CPNE4: variants seen among roughly 807,000 people sequenced by gnomAD.
The protein encoded by CPNE4 is copine 4.
CPNE4 carries 25 observed loss-of-function variants against 67.9 expected under a neutral mutation model. That is an observed-to-expected ratio of 0.37 (90% CI 0.27 to 0.51). The LOEUF is 0.51. CPNE4 is among the 20% of genes least tolerant of loss of function. The pLI, the probability that CPNE4 is intolerant of heterozygous loss-of-function variation, is 0.93. For missense variants in CPNE4, 464 were observed against 690.8 expected (o/e 0.67, Z 3.68); for synonymous variants, 242 against 244.9 (o/e 0.99, Z 0.11).
chr3:131,558,009 C>T (rs961866547), intron 11 of CPNE4, among the ~76,000 whole-genome samples: 2 of 151,752 alleles, frequency 1.3e-5, no homozygotes, highest in Non-Finnish European at 2.9e-5. Context: ...ATTTCTAATC[C>T]CTATGGTGTT....
chr3:131,845,518 T>G (rs992084853), intron 2 of CPNE4, among the ~76,000 whole-genome samples: 6 of 152,192 alleles, frequency 3.9e-5, no homozygotes, highest in African/African-American at 1.4e-4. Flanking sequence ...AAAAGTTAAC[T>G]GTAACAGAAA....
intron 7 of CPNE4, among the ~76,000 whole-genome samples, chr3:131,664,162 T>C (rs932103575): frequency 2.0e-5 from 3 of 152,174 alleles, no homozygotes; most frequent in African/African-American, 7.2e-5. Context: ...AGGGTGCTTA[T>C]ATGGTGTTTG....
intron 9 of CPNE4, among the ~76,000 whole-genome samples, chr3:131,580,568 C>T (rs1293283240): frequency 1.3e-5 from 2 of 152,010 alleles, no homozygotes; most frequent in African/African-American, 2.4e-5. Context: ...GTCAGAGACA[C>T]GTGGGTTAAA....
intron 2 of CPNE4, among the ~76,000 whole-genome samples, chr3:131,779,447 A>G (rs1230715879): frequency 6.6e-6 from 1 of 152,158 alleles, no homozygotes; most frequent in Admixed American, 6.6e-5. Context: ...GCAAAGCTAC[A>G]GTAACTAAAA....
chr3:132,026,134 G>A (rs1453640513), intron 1 of CPNE4, among the ~76,000 whole-genome samples: 4 of 152,192 alleles, frequency 2.6e-5, no homozygotes, highest in Non-Finnish European at 4.4e-5. Flanking sequence ...GAGAGCAGGC[G>A]TAGAATAGAT....
At chr3:131,978,543 T>A (rs866165202) in intron 1 of CPNE4, among the ~76,000 whole-genome samples, 2 of 76,244 alleles carry the variant, frequency 2.6e-5, no homozygotes, top group East Asian at 5.2e-4. Context: ...TATATATAAA[T>A]ATATATATAT....
At chr3:131,670,072 G>A (rs932113999) in intron 6 of CPNE4, among the ~76,000 whole-genome samples, 5 of 152,116 alleles carry the variant, frequency 3.3e-5, no homozygotes, top group South Asian at 4.2e-4. Context: ...TTAAGGATAG[G>A]GCTGCCTTTG....
chr3:131,960,443 GA>G (rs1227703933), intron 1 of CPNE4, among the ~76,000 whole-genome samples: 1 of 152,126 alleles, frequency 6.6e-6, no homozygotes, highest in African/African-American at 2.4e-5. Context: ...AGGGAGAACT[GA>G]AAGCAAGCTT....
At chr3:131,641,295 C>A (rs1237848459) in intron 7 of CPNE4, among the ~76,000 whole-genome samples, 1 of 151,684 alleles carries the variant, frequency 6.6e-6, no homozygotes, top group African/African-American at 2.4e-5. Context: ...CCAAAATCTA[C>A]AAAGTACTCA....
intron 2 of CPNE4, among the ~76,000 whole-genome samples, chr3:131,801,227 G>T (rs980328126): frequency 1.5e-4 from 22 of 151,294 alleles, no homozygotes; most frequent in Non-Finnish European, 2.7e-4. Context: ...ACAGTACCTG[G>T]AATTTTCTAA....
At chr3:131,714,630 C>T (rs977503497) in intron 3 of CPNE4, among the ~76,000 whole-genome samples, 6 of 152,154 alleles carry the variant, frequency 3.9e-5, no homozygotes, top group African/African-American at 1.2e-4. Flanking sequence ...CAGGGCTTCT[C>T]AAAGTGTGAT....
At chr3:131,949,826 A>T (rs546527047) in intron 1 of CPNE4, among the ~76,000 whole-genome samples, 32 of 152,300 alleles carry the variant, frequency 2.1e-4, no homozygotes, top group African/African-American at 6.5e-4. Context: ...TGTATATTTT[A>T]CATAGTTATT....
chr3:131,786,728 G>A (rs929731500), intron 2 of CPNE4, among the ~76,000 whole-genome samples: 2 of 152,078 alleles, frequency 1.3e-5, no homozygotes, highest in African/African-American at 2.4e-5. Flanking sequence ...AAATAGGAAT[G>A]GTACAAATAA....
chr3:131,870,853 G>A (rs1236423921), intron 2 of CPNE4, among the ~76,000 whole-genome samples: 2 of 152,192 alleles, frequency 1.3e-5, no homozygotes, highest in African/African-American at 2.4e-5. Flanking sequence ...TCTGGTGGGG[G>A]AGTGGATAGT....
At chr3:131,996,946 G>A (rs2073310183) in intron 1 of CPNE4, among the ~76,000 whole-genome samples, 1 of 151,998 alleles carries the variant, frequency 6.6e-6, no homozygotes, top group Non-Finnish European at 1.5e-5. Flanking sequence ...ATATCAATGA[G>A]AATGACTGGA....
chr3:131,570,108 T>G (rs1043620729), intron 10 of CPNE4, among the ~76,000 whole-genome samples: 13 of 151,834 alleles, frequency 8.6e-5, no homozygotes, highest in African/African-American at 3.1e-4. Context: ...TAGTCAATAC[T>G]AAATAACTAA....
chr3:131,872,993 T>C (rs960633352), intron 2 of CPNE4, among the ~76,000 whole-genome samples: 1 of 152,236 alleles, frequency 6.6e-6, no homozygotes, highest in Non-Finnish European at 1.5e-5. Context: ...TACATGATTT[T>C]TCTTGCTTCA....
intron 5 of CPNE4, among the ~76,000 whole-genome samples, chr3:131,690,183 A>T (rs1306328307): frequency 6.6e-6 from 1 of 152,200 alleles, no homozygotes; most frequent in African/African-American, 2.4e-5. Context: ...GAATTAGAAA[A>T]AGCTATTGTA....
chr3:131,811,252 A>T, intron 2 of CPNE4, among the ~76,000 whole-genome samples: 1 of 152,064 alleles, frequency 6.6e-6, no homozygotes, highest in East Asian at 1.9e-4. Context: ...TTAGGAGATG[A>T]TGCATATATT....
Sources: allele counts gnomAD v4.1 joint callset (sites outside exome capture counted in the v4.1 genomes callset), GRCh38; gene constraint gnomAD v4.1.1; transcripts MANE v1.5; gene names NCBI Gene and HGNC (gene_info 2026-07-23, HGNC 2026-07-21).